The following CAB39L variants were observed in gnomAD, a reference collection of about 807,000 sequenced individuals.
CAB39L encodes calcium binding protein 39 like.
A neutral mutation model predicts 39.1 loss-of-function variants in CAB39L; 23 were observed. The ratio of observed to expected loss-of-function variants is 0.59; its 90% CI spans 0.42 to 0.83. The LOEUF is 0.83. CAB39L is among the 40% of genes least tolerant of loss of function. The pLI, the probability that CAB39L is intolerant of heterozygous loss-of-function variation, is 0.00. For missense variants in CAB39L, 366 were observed against 391.9 expected, an observed-to-expected ratio of 0.93 and a Z score of 0.56; for synonymous variants, 126 against 137.2, an observed-to-expected ratio of 0.92 and a Z score of 0.57.
chr13:49,415,992 T>A (rs1957079136), intron 3 of CAB39L, among the ~76,000 whole-genome samples: 1 of 152,124 alleles, frequency 6.6e-6, no homozygotes, highest in South Asian at 2.1e-4. Flanking sequence ...TTTCATTGTG[T>A]TTTTTGTCCT....
chr13:49,329,540 AAAAAATATATATATATATATAT>A (rs1163200854), intron 10 of CAB39L, among the ~76,000 whole-genome samples: 2 of 37,578 alleles, frequency 5.3e-5, no homozygotes, highest in Non-Finnish European at 8.9e-5. Context: ...CAATTAAAAA[AAAAAATATATATATATATATAT>A]ATATATATAT....
At chr13:49,320,167 C>A (rs1244158775) in intron 10 of CAB39L, among the ~76,000 whole-genome samples, 1 of 152,198 alleles carries the variant, frequency 6.6e-6, no homozygotes, top group Non-Finnish European at 1.5e-5. Context: ...GAGATTAACA[C>A]ACTGATGATA....
intron 3 of CAB39L, among the ~76,000 whole-genome samples, chr13:49,411,581 T>A (rs1002002954): frequency 6.6e-6 from 1 of 152,182 alleles, no homozygotes; most frequent in Non-Finnish European, 1.5e-5. Context: ...GATAATACTA[T>A]ACACACTGCA....
intron 4 of CAB39L, among the ~76,000 whole-genome samples, chr13:49,381,174 C>T (rs1331644755): frequency 1.3e-5 from 2 of 152,276 alleles, no homozygotes; most frequent in East Asian, 3.9e-4. Context: ...GTGATCTGCC[C>T]ACCTCAGCCT....
chr13:49,337,018 G>A (rs772335977), intron 9 of CAB39L, among the ~76,000 whole-genome samples: 8 of 152,182 alleles, frequency 5.3e-5, no homozygotes, highest in Non-Finnish European at 8.8e-5. Flanking sequence ...AGTGCTGGAT[G>A]GCTGGCTGAA....
At chr13:49,382,612 C>G (rs1956272336) in intron 4 of CAB39L, 188 bp downstream of exon 4, 1 of 506,516 alleles carries the variant, frequency 2.0e-6, no homozygotes, top group Admixed American at 3.9e-5. Flanking sequence ...GAGAGTGAAC[C>G]TAAAGTTCAT....
intron 8 of CAB39L, among the ~76,000 whole-genome samples, chr13:49,343,679 G>C (rs1955066405): frequency 6.6e-6 from 1 of 151,812 alleles, no homozygotes. Flanking sequence ...GAAAGAGAAA[G>C]GATGCATGTT....
chr13:49,332,472 C>T (rs955302835), intron 9 of CAB39L, among the ~76,000 whole-genome samples: 2 of 152,060 alleles, frequency 1.3e-5, no homozygotes, highest in Admixed American at 6.5e-5. Flanking sequence ...ACCTTCTTTA[C>T]CTGCATAAAT....
intron 5 of CAB39L, among the ~76,000 whole-genome samples, chr13:49,373,482 TAC>T (rs1566098318): frequency 2.0e-5 from 3 of 152,340 alleles, no homozygotes; most frequent in East Asian, 3.9e-4. Flanking sequence ...CCAGAAATTT[TAC>T]AGTCAAATGA....
intron 4 of CAB39L, among the ~76,000 whole-genome samples, chr13:49,378,694 G>T (rs1477714855): frequency 3.8e-5 from 2 of 52,786 alleles, no homozygotes; most frequent in Admixed American, 2.8e-4. Context: ...CCAGCCAGCC[G>T]CCCCGTCCGG....
chr13:49,345,148 TAAC>T (rs1955111241), intron 7 of CAB39L, among the ~76,000 whole-genome samples: 1 of 152,194 alleles, frequency 6.6e-6, no homozygotes, highest in African/African-American at 2.4e-5. Flanking sequence ...ATTAAAAACA[TAAC>T]AAGAATTTTA....
At chr13:49,339,045 C>A (rs1368709604) in intron 9 of CAB39L, among the ~76,000 whole-genome samples, 5 of 149,284 alleles carry the variant, frequency 3.3e-5, no homozygotes, top group East Asian at 3.9e-4. Context: ...ATTTTATACT[C>A]AAAAATACAG....
At chr13:49,404,615 G>C (rs1566121453) in intron 3 of CAB39L, among the ~76,000 whole-genome samples, 1 of 152,156 alleles carries the variant, frequency 6.6e-6, no homozygotes, top group Non-Finnish European at 1.5e-5. Flanking sequence ...ATTCTGGAAT[G>C]ACAGAGATAT....
chr13:49,312,389 A>T (rs945102504), intron 10 of CAB39L, among the ~76,000 whole-genome samples: 1 of 152,142 alleles, frequency 6.6e-6, no homozygotes, highest in Non-Finnish European at 1.5e-5. Context: ...TTCCCTATAC[A>T]GGTGTACCAT....
chr13:49,350,795 G>C lies in CAB39L; in HGVS notation c.513C>G (p.Tyr171Ter). ...FSNQFRDFFKYVELSTFDIAS... is the reference protein window; with the variant it reads ...FSNQFRDFFK ...CAATATCAAATGTTGACAACTCCAC[G>C]TACTTAAAGAAATCTCTGAATTGAT... Residue 171 changes from tyrosine (Y) to a stop codon, truncating the protein, a stop_gained, in exon 7 of 11, where the codon TAC becomes TAG. Transcript: ENST00000409308. LOFTEE classifies it high-confidence loss of function. 2 of 1,603,602 alleles carry C rather than the reference G, an allele frequency of 1.2e-6. No individual in the cohort carries two copies. The highest frequency in any genetic ancestry group is 1.7e-6 in the Non-Finnish European group (2 of 1,175,436).
chr13:49,410,634 T>C (rs1956972504), intron 3 of CAB39L, among the ~76,000 whole-genome samples: 1 of 152,218 alleles, frequency 6.6e-6, no homozygotes, highest in East Asian at 1.9e-4. Flanking sequence ...TATAAATAAC[T>C]TGGTTTAAAA....
intron 3 of CAB39L, among the ~76,000 whole-genome samples, chr13:49,417,115 G>T (rs141040505): frequency 6.6e-6 from 1 of 152,300 alleles, no homozygotes; most frequent in East Asian, 1.9e-4. Context: ...TTAAGATAAT[G>T]GTTGGATAGT....
At chr13:49,418,657 C>T (rs765290614) in intron 3 of CAB39L, among the ~76,000 whole-genome samples, 2 of 152,192 alleles carry the variant, frequency 1.3e-5, no homozygotes, top group Non-Finnish European at 2.9e-5. Flanking sequence ...CAACCTTCCC[C>T]TCCTAGGTTC....
At chr13:49,415,339 A>AC (rs1200735796) in intron 3 of CAB39L, among the ~76,000 whole-genome samples, 1 of 150,918 alleles carries the variant, frequency 6.6e-6, no homozygotes, top group Non-Finnish European at 1.5e-5. Flanking sequence ...ATATGGTGAA[A>AC]CCCCTTCTCT....
Sources: allele counts gnomAD v4.1 joint callset (sites outside exome capture counted in the v4.1 genomes callset), GRCh38; gene constraint gnomAD v4.1.1; transcripts MANE v1.5; gene names NCBI Gene and HGNC (gene_info 2026-07-23, HGNC 2026-07-21).